Variants in MOV10L1 observed in about 807,000 individuals in gnomAD.
The protein encoded by MOV10L1 is Mov10 like RNA helicase 1, also known as RNA helicase Mov10l1.
In MOV10L1, 110 loss-of-function variants were observed where a neutral mutation model predicts 143.8. The observed-to-expected ratio is 0.76, with a 90% CI of 0.66 to 0.90. The LOEUF (loss-of-function observed/expected upper bound fraction) is 0.90. Among genes scored for constraint, MOV10L1 ranks in the 40% least tolerant of loss-of-function variants. The probability of loss-of-function intolerance (pLI) is 0.00; values close to 1 mark genes in which losing one functional copy is unlikely to be tolerated. For missense variants in MOV10L1, 1,406 were observed against 1,526.8 expected, an observed-to-expected ratio of 0.92 and a Z score of 1.32; for synonymous variants, 593 against 581.1, an observed-to-expected ratio of 1.02 and a Z score of -0.29.
chr22:50,119,898 CCTCA>C (rs2147184717), intron 9 of MOV10L1, among the ~76,000 whole-genome samples: 1 of 152,090 alleles, frequency 6.6e-6, no homozygotes, highest in African/African-American at 2.4e-5. Context: ...GTTTTATCGA[CCTCA>C]CTCTGACTTT....
intron 3 of MOV10L1, 116 bp from the exon 4 acceptor site, chr22:50,108,020 C>T: frequency 1.1e-6 from 1 of 870,494 alleles, no homozygotes. Flanking sequence ...GTAGAAAGTG[C>T]CTTTTAAATG....
chr22:50,149,795 C>T (rs1239246898), intron 20 of MOV10L1, 81 bp downstream of exon 20: 3 of 1,313,200 alleles, frequency 2.3e-6, no homozygotes, highest in African/African-American at 2.9e-5. Flanking sequence ...CTGCCGGGAA[C>T]AGTCACAGCT....
chr22:50,133,945 A>C, intron 13 of MOV10L1, 62 bp from the exon 14 acceptor site: 1 of 1,408,128 alleles, frequency 7.1e-7, no homozygotes, highest in Non-Finnish European at 9.9e-7. Context: ...TCATTACCTT[A>C]TGCCAGCCTT....
At chr22:50,141,619 C>T (rs936354207) in intron 15 of MOV10L1, among the ~76,000 whole-genome samples, 1 of 151,760 alleles carries the variant, frequency 6.6e-6, no homozygotes, top group Non-Finnish European at 1.5e-5. Flanking sequence ...GGATGATAAG[C>T]GTGAGCCCCG....
Position 50,090,075 on chromosome 22 carries a change from GC to G in MOV10L1, c.-12del, listed in dbSNP as rs1325703999. On this transcript the variant is annotated 5_prime_UTR_variant, in exon 1 of 27. Coordinates refer to ENST00000262794, the MANE Select transcript of MOV10L1 (RefSeq NM_018995.3). ...GGCAGCGGCGGTGACGGCAGCCTAG[GC>G]CGGGCGAGGGCCATGCTGAGCCTCG... is the stretch of plus-strand genomic sequence containing the variant. The G allele has an allele frequency of 1.6e-6, 2 of 1,269,558 alleles. No individual in the cohort carries two copies. Among genetic ancestry groups the G allele is most frequent in the Non-Finnish European group, 2.0e-6 (2 of 1,005,068 alleles). 78.6% of individuals were successfully genotyped at this position (1,269,558 alleles called of 1,614,324 possible). A position where few individuals can be genotyped will look rare whatever the true frequency, so the allele number is the denominator to read the frequency against.
chr22:50,108,230 A>T lies in MOV10L1; in HGVS notation c.537A>T (p.Arg179Ser). 6.2e-7 allele frequency: 1 copy of T among 1,613,818 alleles called. No individual in the cohort carries two copies. Among genetic ancestry groups the T allele is most frequent in the Non-Finnish European group, 8.5e-7 (1 of 1,179,906 alleles). Residue 179 changes from arginine to serine, a missense_variant, in exon 4 of 27, where the codon AGA becomes AGT. Around this residue, in one of 3 missense-constraint regions of MOV10L1, gnomAD observed 1,233 missense variants for 1,351.4 expected, o/e 0.91. Coordinates refer to ENST00000262794, the MANE Select transcript of MOV10L1 (RefSeq NM_018995.3). The stretch of plus-strand genomic sequence containing the variant: ...AAGCCACCTCAGTGAAGCCACTGAG[A>T]TACAAGCGCGTGGACAAGGTAGCGT... ...SSEATSVKPL[R>S]YKRVDKVCIS...
In MOV10L1 at chr22:50,145,744, C is replaced by A. The variant is rs765608702; in HGVS notation, c.2561C>A (p.Ala854Asp). 2.5e-6 allele frequency: 4 copies of A among 1,614,138 alleles called. No individual in the cohort carries two copies. The highest frequency in any genetic ancestry group is 3.4e-6 in the Non-Finnish European group (4 of 1,180,014). The part of the protein sequence containing the change: ...YCRDGEDIWK[A>D]SRFRIIITTC... Reference sequence around the variant, plus strand: ...AGAGACGGAGAAGACATCTGGAAAGCCTCACGCTTCCGGATAATCATCACC... The same window carrying A: ...AGAGACGGAGAAGACATCTGGAAAGACTCACGCTTCCGGATAATCATCACC... Residue 854 changes from alanine to aspartate, a missense_variant, in exon 19 of 27, where the codon GCC (alanine) becomes GAC (aspartate). Physicochemically the swap from Ala to Asp is moderately radical, Grantham distance 126 (BLOSUM62 -2). This residue lies in a region of MOV10L1 where 1,233 missense variants were observed against 1,351.4 expected (regional missense o/e 0.91). Transcript: ENST00000262794.
chr22:50,139,856 A>T (rs1360274301), intron 15 of MOV10L1, among the ~76,000 whole-genome samples: 1 of 152,230 alleles, frequency 6.6e-6, no homozygotes, highest in Non-Finnish European at 1.5e-5. Flanking sequence ...GAGTTGGGCC[A>T]TCTGCGCGTT....
intron 22 of MOV10L1, among the ~76,000 whole-genome samples, chr22:50,157,157 G>A (rs1440957080): frequency 6.6e-6 from 1 of 152,126 alleles, no homozygotes; most frequent in Non-Finnish European, 1.5e-5. Context: ...TGTCTCCTTT[G>A]GAGAATTCAG....
chr22:50,149,632 A>G lies in MOV10L1; in HGVS notation c.2645A>G (p.His882Arg). 1 of 1,614,186 alleles carries G rather than the reference A, an allele frequency of 6.2e-7. No homozygotes were observed. ...TGCTCTAGAGTTGGGCACTTCACTCACGTGTTTGTGGACGAGGCTGGGCAG... is the reference window on the plus strand; with the variant it reads ...TGCTCTAGAGTTGGGCACTTCACTCGCGTGTTTGTGGACGAGGCTGGGCAG... ...QIGVRVGHFT[H>R]VFVDEAGQAS... Residue 882 changes from histidine to arginine, a missense_variant, in exon 20 of 27, where the codon CAC becomes CGC. Physicochemically the swap from His to Arg is conservative, Grantham distance 29. Coordinates refer to ENST00000262794, the MANE Select transcript of MOV10L1 (RefSeq NM_018995.3).
intron 5 of MOV10L1, 83 bp downstream of exon 5, chr22:50,108,927 C>T (rs2061947198): frequency 7.2e-7 from 1 of 1,384,690 alleles, no homozygotes; most frequent in South Asian, 1.3e-5. Flanking sequence ...GACGGATCAC[C>T]TGAGGTTGGG....
At chr22:50,151,003 G>A (rs1050613164) in intron 21 of MOV10L1, 104 bp downstream of exon 21, 36 of 1,438,050 alleles carry the variant, frequency 2.5e-5, no homozygotes, top group African/African-American at 7.0e-5. Flanking sequence ...ATCTCCATCC[G>A]TGGGCAGAGT....
At chr22:50,146,243 G>A (rs1214585134) in intron 19 of MOV10L1, among the ~76,000 whole-genome samples, 1 of 152,098 alleles carries the variant, frequency 6.6e-6, no homozygotes, top group Non-Finnish European at 1.5e-5. Flanking sequence ...CTCTTGGAGT[G>A]GGCGTGGGGA....
intron 15 of MOV10L1, among the ~76,000 whole-genome samples, chr22:50,138,031 A>G (rs1030188098): frequency 1.6e-4 from 24 of 152,110 alleles, no homozygotes; most frequent in African/African-American, 5.3e-4. Context: ...AGGAAAAACC[A>G]TATAATCATG....
At chr22:50,145,929 G>A in intron 19 of MOV10L1, 119 bp downstream of exon 19, 1 of 1,456,894 alleles carries the variant, frequency 6.9e-7, no homozygotes, top group Non-Finnish European at 9.3e-7. Context: ...AGGGAGGCAG[G>A]GCTGTGGGCG....
chr22:50,118,461 C>T (rs1428928902), intron 9 of MOV10L1, among the ~76,000 whole-genome samples: 1 of 152,172 alleles, frequency 6.6e-6, no homozygotes, highest in Non-Finnish European at 1.5e-5. Flanking sequence ...GGGCTCACTG[C>T]CTGATGCACT....
At chr22:50,149,366 T>C in intron 19 of MOV10L1, 1 of 499,272 alleles carries the variant, frequency 2.0e-6, no homozygotes, top group Non-Finnish European at 3.6e-6. Flanking sequence ...CACCCCTTCT[T>C]CCCTCCACAT....
At chr22:50,114,358 C>G in intron 6 of MOV10L1, 23 bp from the exon 7 acceptor site, 1 of 1,609,410 alleles carries the variant, frequency 6.2e-7, no homozygotes, top group Non-Finnish European at 8.5e-7. Context: ...TGGCTGTGTT[C>G]ATAGTTAATT....
rs2063485654 is a variant in MOV10L1 at position 50,158,668 on chromosome 22, A to T, written c.3216+462A>T. The T allele has an allele frequency of 6.4e-6, 1 of 156,574 alleles. No homozygotes were observed. Among genetic ancestry groups the T allele is most frequent in the South Asian group, 1.9e-4 (1 of 5,272 alleles). 9.7% of individuals were successfully genotyped at this position (156,574 alleles called of 1,614,324 possible). Reference sequence around the variant, plus strand: ...CTCCACACGTTCACAGTGGCTCTGGAGCTCTGGTGGGGACACAGGTGCCTC... The same window carrying T: ...CTCCACACGTTCACAGTGGCTCTGGTGCTCTGGTGGGGACACAGGTGCCTC... On this transcript the variant is annotated intron_variant, in intron 23 of 26. Transcript: ENST00000262794. The surrounding 1 kb of genome is among the most constrained non-coding windows in gnomAD (Gnocchi z 5.0).
Sources: allele counts gnomAD v4.1 joint callset (sites outside exome capture counted in the v4.1 genomes callset), GRCh38; gene constraint gnomAD v4.1.1; regional missense constraint gnomAD v4.1.1; non-coding constraint Gnocchi (gnomAD v3.1); transcripts MANE v1.5; gene names NCBI Gene and HGNC (gene_info 2026-07-23, HGNC 2026-07-21).